Variants in TCF3 observed in about 807,000 individuals in gnomAD.
TCF3 encodes the protein transcription factor E2-alpha.
A neutral mutation model predicts 72.3 loss-of-function variants in TCF3; 54 were observed. The observed-to-expected ratio is 0.75, with a 90% CI of 0.60 to 0.94. The LOEUF is 0.94. Among genes scored for constraint, TCF3 ranks in the 40% least tolerant of loss-of-function variants. TCF3 has a pLI of 0.00. For missense variants in TCF3, 1,078 were observed against 934.4 expected, an observed-to-expected ratio of 1.15 and a Z score of -2.00; for synonymous variants, 525 against 412.6, an observed-to-expected ratio of 1.27 and a Z score of -3.30.
chr19:1,645,981 C>T (rs2066029302), intron 3 of TCF3, among the ~76,000 whole-genome samples: 1 of 152,116 alleles, frequency 6.6e-6, no homozygotes, highest in Admixed American at 6.5e-5. Flanking sequence ...CCGCACCACG[C>T]CCTCTCCAGA....
At chr19:1,626,822 G>A (rs1473106052) in intron 6 of TCF3, among the ~76,000 whole-genome samples, 3 of 152,186 alleles carry the variant, frequency 2.0e-5, no homozygotes, top group African/African-American at 7.2e-5. Context: ...GCACACAGAC[G>A]GCCCCACCTG....
intron 16 of TCF3, among the ~76,000 whole-genome samples, chr19:1,618,902 C>T (rs1313063031): frequency 2.0e-4 from 31 of 152,202 alleles, no homozygotes; most frequent in Admixed American, 2.0e-3. Context: ...AAGAGGCAGC[C>T]CAGAGCTGTC....
rs775751901 is a variant in TCF3 at position 1,615,493 on chromosome 19, G to A, written c.1614C>T (p.Leu538=). 2.5e-6 allele frequency: 4 copies of A among 1,610,334 alleles called. No homozygotes were observed. The highest frequency in any genetic ancestry group is 3.3e-5 in the Admixed American group (2 of 59,986). ...CCCGCTCGGCCTTCTGCTCTGGGGG[G>A]AGAAGGTCGTCCTCGTCCTCGTCTG... ...TSPDEDEDDL[L]PPEQKAEREK... is the part of the protein sequence containing the mutation. Residue 538 remains leucine, a synonymous_variant, in exon 18 of 19, where the codon CTC becomes CTT. Coordinates refer to ENST00000262965, the MANE Select transcript of TCF3 (RefSeq NM_003200.5). This position sits in a 1 kb window ranked among gnomAD's most constrained non-coding sequence, Gnocchi z 7.3.
intron 1 of TCF3, among the ~76,000 whole-genome samples, chr19:1,650,896 G>A (rs949421541): frequency 1.3e-5 from 2 of 151,880 alleles, no homozygotes; most frequent in African/African-American, 2.4e-5. Context: ...TCCTATGCAG[G>A]GACCAGCAAA....
chr19:1,637,295 G>T (rs1450368148), intron 3 of TCF3, among the ~76,000 whole-genome samples: 2 of 144,392 alleles, frequency 1.4e-5, no homozygotes, highest in East Asian at 5.0e-4. Context: ...AACCGGGGAT[G>T]CCTGGCAACC....
intron 14 of TCF3, 60 bp from the exon 15 acceptor site, chr19:1,619,534 T>G (rs2061921803): frequency 8.6e-6 from 13 of 1,519,662 alleles, no homozygotes; most frequent in South Asian, 3.8e-5. Context: ...CAGGCCTCCA[T>G]TCATGTCCCT....
chr19:1,612,396 G>T (rs1423061948), intron 18 of TCF3: 1 of 1,613,828 alleles, frequency 6.2e-7, no homozygotes, highest in South Asian at 1.1e-5. Flanking sequence ...CGGTCCCTCA[G>T]GTCTTTCTCC....
chr19:1,620,943 C>G lies in TCF3; in HGVS notation c.1093+25G>C, dbSNP rs1380385067. The G allele has an allele frequency of 6.1e-6, 9 of 1,469,086 alleles. No individual in the cohort carries two copies. In the African/African-American group the frequency reaches 1.2e-4, roughly 19 times the overall value. 91.0% of individuals were successfully genotyped at this position (1,469,086 alleles called of 1,614,324 possible). A position where few individuals can be genotyped will look rare whatever the true frequency, so the allele number is the denominator to read the frequency against. Reference sequence around the variant, plus strand: ...CCAAACCCTCACAGACCTCAGCCTCCCCTCCCCCCAAAACCCTCACAGACC... The same window carrying G: ...CCAAACCCTCACAGACCTCAGCCTCGCCTCCCCCCAAAACCCTCACAGACC... On this transcript the variant is annotated intron_variant, in intron 13 of 18. Coordinates refer to ENST00000262965, the MANE Select transcript of TCF3 (RefSeq NM_003200.5).
chr19:1,646,122 G>C (rs1021078054), intron 3 of TCF3, among the ~76,000 whole-genome samples: 3 of 152,126 alleles, frequency 2.0e-5, no homozygotes, highest in Non-Finnish European at 2.9e-5. Context: ...CTCCAGGCGC[G>C]GGAGGGACGA....
In TCF3 at chr19:1,621,138, C is replaced by A; in HGVS notation, c.1009G>T (p.Ala337Ser). Reference protein sequence around the residue: ...SSGDALGKALASIYSPDHSSN... With the variant: ...SSGDALGKALSSIYSPDHSSN... ...CCCCATGCCCCACGCCTCACCGAGG[C>A]CAGTGCTTTGCCGAGGGCATCCCCG... Residue 337 changes from alanine to serine, a missense_variant, in exon 12 of 19, where the codon GCC (alanine) becomes TCC (serine). Physicochemically the swap from Ala to Ser is moderately conservative, Grantham distance 99. Transcript: ENST00000262965. 1 of 1,542,514 alleles carries A rather than the reference C, an allele frequency of 6.5e-7. No homozygotes were observed. The highest frequency in any genetic ancestry group is 8.7e-7 in the Non-Finnish European group (1 of 1,145,100).
rs1045727071 is a variant in TCF3, at chr19:1,615,830, G to A, written c.1451-9C>T. The A allele has an allele frequency of 6.5e-7, 1 of 1,540,436 alleles. No individual in the cohort carries two copies. On this transcript the variant is annotated splice_polypyrimidine_tract_variant and intron_variant, in intron 16 of 18. Transcript: ENST00000262965. This position sits in a 1 kb window ranked among gnomAD's most constrained non-coding sequence, Gnocchi z 7.3. ...ACCTGCTCGCCCTAGCCCTGCAACA[G>A]GCCTAGGGTCAGGGGCCTGCGTCGG...
chr19:1,634,381 G>A (rs2064116932), intron 3 of TCF3, among the ~76,000 whole-genome samples: 1 of 152,210 alleles, frequency 6.6e-6, no homozygotes, highest in African/African-American at 2.4e-5. Flanking sequence ...ACCCGGGAAG[G>A]GCACCTTCCT....
chr19:1,642,208 A>G (rs77074869), intron 3 of TCF3, among the ~76,000 whole-genome samples: 1,549 of 151,678 alleles, frequency 0.01, 28 homozygotes, highest in African/African-American at 0.036. Flanking sequence ...GCAGACACGC[A>G]CACACGCGCA....
At position 1,622,694 on chromosome 19, in the gene TCF3, C is replaced by G. The variant is rs142942656; in HGVS notation, c.550-279G>C. On this transcript the variant is annotated intron_variant, in intron 8 of 18. Coordinates refer to ENST00000262965, the MANE Select transcript of TCF3 (RefSeq NM_003200.5). ...GAGGACTTGGATCTGGCTCTGCCTA[C>G]TAAACCTTTTTCCTCCTTAATCCAG... Among the ~76,000 whole-genome samples, 292 of 152,288 alleles carry G rather than the reference C, an allele frequency of 1.9e-3. 2 individuals are homozygous for G. Among genetic ancestry groups the G allele is most frequent in the African/African-American group, 6.7e-3 (277 of 41,544 alleles).
chr19:1,637,735 C>A (rs973136088), intron 3 of TCF3, among the ~76,000 whole-genome samples: 3 of 152,120 alleles, frequency 2.0e-5, no homozygotes, highest in African/African-American at 7.2e-5. Context: ...GGGTGAAACC[C>A]CCGTCTCTAC....
chr19:1,629,026 A>G (rs2063337044), intron 5 of TCF3, among the ~76,000 whole-genome samples: 1 of 68,406 alleles, frequency 1.5e-5, no homozygotes, highest in Non-Finnish European at 2.7e-5. Context: ...CGGGAAGGGG[A>G]CAGCAGAGCT....
chr19:1,640,622 T>C (rs1568474467), intron 3 of TCF3, among the ~76,000 whole-genome samples: 1 of 150,462 alleles, frequency 6.6e-6, no homozygotes, highest in Non-Finnish European at 1.5e-5. Flanking sequence ...ATGGAGACCA[T>C]CCTGGCTAAC....
At chr19:1,616,837 G>C (rs2061596013) in intron 16 of TCF3, among the ~76,000 whole-genome samples, 1 of 152,180 alleles carries the variant, frequency 6.6e-6, no homozygotes, top group Admixed American at 6.5e-5. Flanking sequence ...GAGAGTTCCT[G>C]ATCAGCAAAG....
At chr19:1,612,123 G>T in intron 18 of TCF3, 1 of 1,374,328 alleles carries the variant, frequency 7.3e-7, no homozygotes, top group Non-Finnish European at 9.8e-7. Context: ...GTCCGGGGGC[G>T]GCAAGCACAG....
Sources: allele counts gnomAD v4.1 joint callset (sites outside exome capture counted in the v4.1 genomes callset), GRCh38; gene constraint gnomAD v4.1.1; non-coding constraint Gnocchi (gnomAD v3.1); transcripts MANE v1.5; gene names NCBI Gene and HGNC (gene_info 2026-07-23, HGNC 2026-07-21).